LRP1B: variants seen among roughly 807,000 people sequenced by gnomAD.
LRP1B encodes the protein LDL receptor related protein 1B.
LRP1B carries 217 observed loss-of-function variants against 556.6 expected under a neutral mutation model. The ratio of observed to expected loss-of-function variants is 0.39; its 90% CI spans 0.35 to 0.44. The LOEUF (loss-of-function observed/expected upper bound fraction) is 0.44, where lower values mean the gene tolerates loss of function less well. LRP1B is among the 20% of genes least tolerant of loss of function. The pLI, the probability that LRP1B is intolerant of heterozygous loss-of-function variation, is 1.00. For synonymous variants in LRP1B, 2,047 were observed against 1,865.8 expected, an observed-to-expected ratio of 1.10 and a Z score of -2.50; for missense variants, 5,053 against 5,620.8, an observed-to-expected ratio of 0.90 and a Z score of 3.23.
At chr2:141,336,171 G>A (rs1181502371) in intron 3 of LRP1B, among the ~76,000 whole-genome samples, 1 of 150,562 alleles carries the variant, frequency 6.6e-6, no homozygotes, top group African/African-American at 2.4e-5. Flanking sequence ...GGATGTGTGA[G>A]AGTGGAAATG....
intron 3 of LRP1B, among the ~76,000 whole-genome samples, chr2:141,479,347 C>T (rs1282266380): frequency 6.6e-6 from 1 of 152,182 alleles, no homozygotes; most frequent in Non-Finnish European, 1.5e-5. Flanking sequence ...TAGCATCTGA[C>T]TTTGAGCACT....
chr2:141,453,197 A>G (rs1681488764), intron 3 of LRP1B, among the ~76,000 whole-genome samples: 1 of 152,092 alleles, frequency 6.6e-6, no homozygotes, highest in Admixed American at 6.5e-5. Flanking sequence ...AGATTGCCCC[A>G]CTACACTCCA....
intron 19 of LRP1B, among the ~76,000 whole-genome samples, chr2:140,951,594 C>T (rs575870312): frequency 6.1e-4 from 93 of 152,288 alleles, no homozygotes; most frequent in African/African-American, 2.2e-3. Flanking sequence ...GTCCACTTTA[C>T]TACATGTTTG....
At chr2:141,181,592 T>C (rs192426106) in intron 7 of LRP1B, among the ~76,000 whole-genome samples, 1 of 151,984 alleles carries the variant, frequency 6.6e-6, no homozygotes, top group Non-Finnish European at 1.5e-5. Context: ...AGTAGAAATG[T>C]GGAACGTTTT....
At chr2:140,250,586 A>G (rs369609321) in intron 86 of LRP1B, among the ~76,000 whole-genome samples, 3 of 151,114 alleles carry the variant, frequency 2.0e-5, no homozygotes, top group African/African-American at 7.3e-5. Flanking sequence ...TTCCATTTCC[A>G]TAACAGTTGT....
At chr2:140,511,319 T>TTTTTTTTTTTTTG (rs1553477418) in intron 51 of LRP1B, among the ~76,000 whole-genome samples, 3 of 145,730 alleles carry the variant, frequency 2.1e-5, no homozygotes, top group African/African-American at 7.7e-5. Context: ...TTTTTTTTTT[T>TTTTTTTTTTTTTG]GAGACGGAGT....
chr2:140,828,338 G>A (rs4334436), intron 31 of LRP1B, among the ~76,000 whole-genome samples: 41,833 of 151,514 alleles, frequency 0.28, 5,866 homozygotes, highest in South Asian at 0.31. Flanking sequence ...GGCCGGGCGC[G>A]GTGGCTCACG....
In LRP1B at chr2:141,494,792, G is replaced by A. The variant is rs1010679750; in HGVS notation, c.206-14259C>T. ...ATATGGAGGTTTATTTAGAGTAAAA[G>A]AAGAACACAGAAAACAATGAGATTC... On this transcript the variant is annotated intron_variant, in intron 2 of 90. Coordinates refer to ENST00000389484, the MANE Select transcript of LRP1B (RefSeq NM_018557.3). Among the ~76,000 whole-genome samples the A allele has an allele frequency of 2.8e-5, 4 of 144,022 alleles. No individual in the cohort carries two copies. The East Asian group carries it at 8.1e-4, about 29-fold the overall frequency. The allele number at this position is 144,022 out of a possible 152,430, so 94.5% of individuals were successfully genotyped here. A position where few individuals can be genotyped will look rare whatever the true frequency, so the allele number is the denominator to read the frequency against.
At chr2:141,065,221 C>G (rs981192334) in intron 7 of LRP1B, among the ~76,000 whole-genome samples, 6 of 151,920 alleles carry the variant, frequency 3.9e-5, no homozygotes, top group African/African-American at 1.4e-4. Flanking sequence ...CATTGAGCCA[C>G]TTCAGAGTAA....
intron 11 of LRP1B, among the ~76,000 whole-genome samples, chr2:141,044,055 C>A (rs1479545390): frequency 2.0e-5 from 3 of 151,902 alleles, no homozygotes; most frequent in Non-Finnish European, 4.4e-5. Flanking sequence ...CAGCATGGTA[C>A]TGGTACCAAA....
intron 41 of LRP1B, among the ~76,000 whole-genome samples, chr2:140,640,148 G>T (rs921078964): frequency 6.6e-6 from 1 of 151,260 alleles, no homozygotes. Context: ...GACTACGGGC[G>T]CCCGCCACCT....
chr2:140,559,201 T>G (rs905967780), intron 43 of LRP1B, among the ~76,000 whole-genome samples: 16 of 152,088 alleles, frequency 1.1e-4, no homozygotes, highest in African/African-American at 3.9e-4. Flanking sequence ...CAAGATAAAT[T>G]AACTGTTTTT....
chr2:141,832,629 A>T (rs1480369962), intron 1 of LRP1B, among the ~76,000 whole-genome samples: 1 of 151,758 alleles, frequency 6.6e-6, no homozygotes, highest in Non-Finnish European at 1.5e-5. Context: ...AGGCATTCTA[A>T]TGCTGTGGAA....
chr2:141,358,914 A>G (rs954515146), intron 3 of LRP1B, among the ~76,000 whole-genome samples: 2 of 152,192 alleles, frequency 1.3e-5, no homozygotes, highest in Non-Finnish European at 2.9e-5. Context: ...AAAAACTGAT[A>G]AAAATTACTT....
chr2:141,415,589 T>G (rs1406577478), intron 3 of LRP1B, among the ~76,000 whole-genome samples: 1 of 152,202 alleles, frequency 6.6e-6, no homozygotes, highest in African/African-American at 2.4e-5. Context: ...ATTTATTTTA[T>G]TTTTCCTCCT....
intron 37 of LRP1B, among the ~76,000 whole-genome samples, 171 bp downstream of exon 37, chr2:140,715,802 G>A (rs1165358504): frequency 2.6e-5 from 4 of 151,490 alleles, no homozygotes; most frequent in South Asian, 2.1e-4. Flanking sequence ...TGACTTCATC[G>A]AATATGTACT....
chr2:141,575,736 TAAAC>T (rs1207878159), intron 2 of LRP1B, among the ~76,000 whole-genome samples: 1 of 148,298 alleles, frequency 6.7e-6, no homozygotes, highest in Non-Finnish European at 1.5e-5. Flanking sequence ...ATAATGAACT[TAAAC>T]AATATTTACA....
At chr2:141,980,174 A>G (rs936606708) in intron 1 of LRP1B, among the ~76,000 whole-genome samples, 3 of 152,122 alleles carry the variant, frequency 2.0e-5, no homozygotes. Context: ...TGCCCTTGAG[A>G]GATCTAGGAA....
chr2:141,616,490 G>A (rs990063227), intron 2 of LRP1B, among the ~76,000 whole-genome samples: 1 of 151,846 alleles, frequency 6.6e-6, no homozygotes, highest in Non-Finnish European at 1.5e-5. Flanking sequence ...CTCTCTTCTT[G>A]TAATATTTGC....
Sources: gnomAD v4.1 joint callset for allele counts (sites outside exome capture counted in the v4.1 genomes callset) on GRCh38, gnomAD v4.1.1 for gene constraint, MANE v1.5 for transcripts, NCBI Gene and HGNC (gene_info 2026-07-23, HGNC 2026-07-21) for gene names.